The following GALNT13 variants were observed in gnomAD, a reference collection of about 807,000 sequenced individuals.
The protein encoded by GALNT13 is UDP-GalNAc:polypeptide N-acetylgalactosaminyltransferase 13.
A neutral mutation model predicts 64.2 loss-of-function variants in GALNT13; 28 were observed. The ratio of observed to expected loss-of-function variants is 0.44; its 90% CI spans 0.32 to 0.60. The LOEUF (loss-of-function observed/expected upper bound fraction) is 0.60. Ranked by LOEUF, GALNT13 falls within the 20% of genes least tolerant of loss-of-function variation. The probability of loss-of-function intolerance (pLI) is 0.05; values close to 1 mark genes in which losing one functional copy is unlikely to be tolerated. For synonymous variants in GALNT13, 214 were observed against 224.6 expected, an observed-to-expected ratio of 0.95 and a Z score of 0.42; for missense variants, 577 against 669.8, an observed-to-expected ratio of 0.86 and a Z score of 1.53.
At chr2:153,977,415 A>G (rs1391543498) in intron 3 of GALNT13, among the ~76,000 whole-genome samples, 1 of 152,086 alleles carries the variant, frequency 6.6e-6, no homozygotes, top group Non-Finnish European at 1.5e-5. Context: ...AAGCAAACAC[A>G]TCCTTCTTCA....
the GALNT13 span, among the ~76,000 whole-genome samples, chr2:153,795,827 AAG>A: frequency 6.6e-6 from 1 of 152,340 alleles, no homozygotes; most frequent in Admixed American, 6.5e-5. Context: ...TATATCAAAG[AAG>A]AGAGAGCTAC....
At chr2:153,799,079 G>C in the GALNT13 span, among the ~76,000 whole-genome samples, 1 of 152,046 alleles carries the variant, frequency 6.6e-6, no homozygotes, top group African/African-American at 2.4e-5. Flanking sequence ...TGCCTCACTG[G>C]GTGACTTAAC....
intron 5 of GALNT13, 95 bp from the exon 6 acceptor site, chr2:154,242,603 A>G (rs1210234983): frequency 3.9e-6 from 3 of 770,194 alleles, no homozygotes; most frequent in African/African-American, 3.5e-5. Context: ...ATTGGCCACC[A>G]TTTCTGTGTG....
At chr2:153,111,302 T>TA in the GALNT13 span, among the ~76,000 whole-genome samples, 1 of 152,034 alleles carries the variant, frequency 6.6e-6, no homozygotes, top group Non-Finnish European at 1.5e-5. Flanking sequence ...AGGATAACAG[T>TA]AAAAAACTAA....
intron 2 of GALNT13, among the ~76,000 whole-genome samples, chr2:153,901,289 A>T (rs1341117077): frequency 6.6e-6 from 1 of 152,096 alleles, no homozygotes; most frequent in Non-Finnish European, 1.5e-5. Flanking sequence ...TTTATGCTTA[A>T]GATTGCCTTG....
chr2:154,020,641 T>G (rs36131837), intron 3 of GALNT13, among the ~76,000 whole-genome samples: 27,854 of 151,104 alleles, frequency 0.18, 3,288 homozygotes, highest in Non-Finnish European at 0.26. Context: ...TTTCTCCCAT[T>G]TTGTAGGTTG....
chr2:153,248,865 T>C, the GALNT13 span, among the ~76,000 whole-genome samples: 15 of 141,862 alleles, frequency 1.1e-4, no homozygotes, highest in Non-Finnish European at 2.0e-4. Flanking sequence ...ATAAACTAGG[T>C]ATTGAAGGAA....
chr2:154,359,699 T>C (rs1696953126), intron 9 of GALNT13, among the ~76,000 whole-genome samples: 1 of 152,098 alleles, frequency 6.6e-6, no homozygotes, highest in Non-Finnish European at 1.5e-5. Flanking sequence ...GTAAACACAA[T>C]TACCAAGCAG....
chr2:153,693,260 C>G, the GALNT13 span, among the ~76,000 whole-genome samples: 1 of 152,136 alleles, frequency 6.6e-6, no homozygotes, highest in Non-Finnish European at 1.5e-5. Context: ...AATCACAATA[C>G]AGACTTTTGA....
At chr2:153,673,321 C>A in the GALNT13 span, among the ~76,000 whole-genome samples, 7 of 152,070 alleles carry the variant, frequency 4.6e-5, no homozygotes, top group Admixed American at 2.6e-4. Flanking sequence ...AAAATACTGG[C>A]AAAACAAATC....
chr2:153,558,447 G>A, the GALNT13 span, among the ~76,000 whole-genome samples: 1 of 152,112 alleles, frequency 6.6e-6, no homozygotes, highest in Non-Finnish European at 1.5e-5. Flanking sequence ...CCCCTCCAGC[G>A]GTATCCCACA....
At chr2:154,219,535 T>C (rs962256714) in intron 4 of GALNT13, among the ~76,000 whole-genome samples, 1 of 152,086 alleles carries the variant, frequency 6.6e-6, no homozygotes, top group Non-Finnish European at 1.5e-5. Context: ...ACATTAATAG[T>C]ATATTGTGCA....
the GALNT13 span, among the ~76,000 whole-genome samples, chr2:153,587,206 T>G: frequency 6.9e-6 from 1 of 145,454 alleles, no homozygotes; most frequent in Non-Finnish European, 1.5e-5. Flanking sequence ...GCACTCCAGC[T>G]TGGGTGACAG....
At chr2:154,246,035 A>G in intron 7 of GALNT13, 53 bp downstream of exon 7, 1 of 1,225,600 alleles carries the variant, frequency 8.2e-7, no homozygotes, top group Non-Finnish European at 1.2e-6. Context: ...AAAATTAAGG[A>G]ATATTATAGA....
chr2:153,512,424 C>A, the GALNT13 span, among the ~76,000 whole-genome samples: 3 of 152,128 alleles, frequency 2.0e-5, no homozygotes, highest in East Asian at 3.9e-4. Context: ...ACTTTTTACA[C>A]TAGATGAGAG....
At chr2:153,747,523 G>A in the GALNT13 span, among the ~76,000 whole-genome samples, 2 of 149,150 alleles carry the variant, frequency 1.3e-5, no homozygotes, top group African/African-American at 2.5e-5. Flanking sequence ...CGCCTTCTGG[G>A]TTCAAGCAAT....
At chr2:154,328,413 T>C (rs1176824693) in intron 9 of GALNT13, among the ~76,000 whole-genome samples, 1 of 152,176 alleles carries the variant, frequency 6.6e-6, no homozygotes, top group Non-Finnish European at 1.5e-5. Flanking sequence ...TACGGTATCA[T>C]AATTTATTTT....
In GALNT13 at chr2:154,320,744, G is replaced by A. The variant is rs908609826; in HGVS notation, c.1156+19155G>A. On this transcript the variant is annotated intron_variant, in intron 9 of 12. Coordinates refer to ENST00000392825, the MANE Select transcript of GALNT13 (RefSeq NM_052917.4). The stretch of plus-strand genomic sequence containing the variant: ...CCTGCCTTACGCATGGACCAGAAAG[G>A]CTGAAGAAGGCTCTTTCTTTTTTCT... Among the ~76,000 whole-genome samples the A allele has an allele frequency of 2.6e-5, 4 of 152,062 alleles. No homozygotes were observed. In the East Asian group the frequency reaches 7.7e-4, roughly 29 times the overall value.
chr2:153,493,051 C>T, the GALNT13 span, among the ~76,000 whole-genome samples: 1 of 151,826 alleles, frequency 6.6e-6, no homozygotes, highest in East Asian at 1.9e-4. Context: ...TAGGAAAACA[C>T]TTAAAGCTTT....
Sources: allele counts gnomAD v4.1 joint callset (sites outside exome capture counted in the v4.1 genomes callset), GRCh38; gene constraint gnomAD v4.1.1; transcripts MANE v1.5; gene names NCBI Gene and HGNC (gene_info 2026-07-23, HGNC 2026-07-21).